The following BANP variants were observed in gnomAD, a reference collection of about 807,000 sequenced individuals.
The protein encoded by BANP is protein BANP.
BANP carries 11 observed loss-of-function variants against 68.1 expected under a neutral mutation model. That is an observed-to-expected ratio of 0.16 (90% CI 0.10 to 0.27). The LOEUF (loss-of-function observed/expected upper bound fraction) is 0.27, where lower values mean the gene tolerates loss of function less well. Among genes scored for constraint, BANP ranks in the 10% least tolerant of loss-of-function variants. BANP has a pLI of 1.00. For synonymous variants in BANP, 329 were observed against 303.2 expected (o/e 1.09, Z -0.88); for missense variants, 504 against 722.7 (o/e 0.70, Z 3.47).
intron 2 of BANP, among the ~76,000 whole-genome samples, chr16:87,976,477 T>G (rs1434203784): frequency 6.8e-6 from 1 of 148,040 alleles, no homozygotes; most frequent in Non-Finnish European, 1.5e-5. Context: ...TTAAAAAGTT[T>G]TTTTTTTTTT....
At position 88,004,740 on chromosome 16, in the gene BANP, G is replaced by A. The variant is rs1567723337; in HGVS notation, c.479+329G>A. Among the ~76,000 whole-genome samples the A allele has an allele frequency of 6.6e-6, 1 of 152,354 alleles. No individual in the cohort carries two copies. Among genetic ancestry groups the A allele is most frequent in the Middle Eastern group, 3.4e-3 (1 of 294 alleles). ...TCCCACCTAGCTCAGTGGTCCTCAC[G>A]TCTGTCTGTGCAGAGCGTGTCAGGC... On this transcript the variant is annotated intron_variant, in intron 5 of 13. Coordinates refer to ENST00000682872, the MANE Select transcript of BANP (RefSeq NM_001386991.1). The surrounding 1 kb of genome is among the most constrained non-coding windows in gnomAD (Gnocchi z 7.0).
At chr16:88,038,309 G>A (rs868453674) in intron 11 of BANP, among the ~76,000 whole-genome samples, 11 of 152,254 alleles carry the variant, frequency 7.2e-5, no homozygotes, top group South Asian at 2.1e-4. Flanking sequence ...AGGGAGCGAG[G>A]GTGCAAAGGC....
At chr16:88,040,922 A>G (rs1484908693) in intron 11 of BANP, among the ~76,000 whole-genome samples, 1 of 152,274 alleles carries the variant, frequency 6.6e-6, no homozygotes, top group African/African-American at 2.4e-5. Flanking sequence ...CCTAGTTCCA[A>G]CTGTCATTTA....
intron 1 of BANP, chr16:87,956,979 A>T (rs1454325027): frequency 1.3e-5 from 2 of 152,176 alleles, no homozygotes; most frequent in Non-Finnish European, 2.9e-5. Flanking sequence ...TCTTTGGTTA[A>T]AATGTGCAGG....
chr16:88,075,843 T>A (rs1392293977), intron 13 of BANP, among the ~76,000 whole-genome samples: 1 of 148,038 alleles, frequency 6.8e-6, no homozygotes, highest in African/African-American at 2.5e-5. Flanking sequence ...GCCTCTTGGG[T>A]TCAAGTGATT....
chr16:88,041,640 A>G (rs1362014676), intron 11 of BANP, among the ~76,000 whole-genome samples: 1 of 152,122 alleles, frequency 6.6e-6, no homozygotes, highest in Non-Finnish European at 1.5e-5. Flanking sequence ...CTGAGGTTCC[A>G]GGAGGGCTGC....
rs1309719115 is a variant in BANP, at chr16:88,071,398, G to C, written c.1378-671G>C. 4.5e-6 allele frequency: 2 copies of C among 445,120 alleles called. No individual in the cohort carries two copies. Among genetic ancestry groups the C allele is most frequent in the East Asian group, 7.0e-5 (1 of 14,278 alleles). 27.6% of individuals were successfully genotyped at this position (445,120 alleles called of 1,614,324 possible). A position where few individuals can be genotyped will look rare whatever the true frequency, so the allele number is the denominator to read the frequency against. On this transcript the variant is annotated intron_variant, in intron 12 of 13. Coordinates refer to ENST00000682872, the MANE Select transcript of BANP (RefSeq NM_001386991.1). This position sits in a 1 kb window ranked among gnomAD's most constrained non-coding sequence, Gnocchi z 6.5. ...GGCCTGGGTGCTTACAGGCGATGGG[G>C]TCACCAGAGCCCACCCAGGGGCCTC...
rs2088034881 is a variant in BANP at position 88,064,815 on chromosome 16, C to T, written c.1312-452C>T. 6.6e-6 allele frequency among the ~76,000 whole-genome samples: 1 copy of T among 152,244 alleles called. No homozygotes were observed. The highest frequency in any genetic ancestry group is 2.4e-5 in the African/African-American group (1 of 41,472). On this transcript the variant is annotated intron_variant, in intron 11 of 13. Transcript: ENST00000682872. This position sits in a 1 kb window ranked among gnomAD's most constrained non-coding sequence, Gnocchi z 4.5. The stretch of plus-strand genomic sequence containing the variant: ...GCTGGGATAGGAGACAGCCAGGACC[C>T]CTCAGCTTCTGAGGGCCGTGGCCTT...
At chr16:88,047,270 T>C (rs148812906) in intron 11 of BANP, among the ~76,000 whole-genome samples, 83 of 152,076 alleles carry the variant, frequency 5.5e-4, no homozygotes, top group Middle Eastern at 3.4e-3. Flanking sequence ...CAAAGTAAGA[T>C]ACCACCAGGG....
At chr16:87,974,841 G>A (rs1418378375) in intron 1 of BANP, among the ~76,000 whole-genome samples, 5 of 152,194 alleles carry the variant, frequency 3.3e-5, no homozygotes, top group Non-Finnish European at 7.3e-5. Flanking sequence ...AGTGGTTAAG[G>A]AAAGAGGCAG....
Position 88,076,725 on chromosome 16 carries a change from TGCTCTCACGGCCTCGGCACAGGCAGCG to T in BANP, c.*68_*94del. The T allele has an allele frequency of 7.2e-7, 1 of 1,385,830 alleles. No homozygotes were observed. Among genetic ancestry groups the T allele is most frequent in the Admixed American group, 2.2e-5 (1 of 46,502 alleles). 85.8% of individuals were successfully genotyped at this position (1,385,830 alleles called of 1,614,324 possible). ...CCTACGGCCCGGCCCCCACGCGCCC[TGCTCTCACGGCCTCGGCACAGGCAGCG>T]GCTGCACGTGTTCTGCTGAAGTGCG... On this transcript the variant is annotated 3_prime_UTR_variant, in exon 14 of 14. Transcript: ENST00000682872.
At position 88,072,239 on chromosome 16, in the gene BANP, A is replaced by C. The variant is rs1333587354; in HGVS notation, c.1521+27A>C. ...TGAGTCTGGGGCCCCGCGCCGGGAC[A>C]CTGAAGTGATGGCATGGCCGCCTGC... On this transcript the variant is annotated intron_variant, in intron 13 of 13. Coordinates refer to ENST00000682872, the MANE Select transcript of BANP (RefSeq NM_001386991.1). 6 of 1,586,868 alleles carry C rather than the reference A, an allele frequency of 3.8e-6. No individual in the cohort carries two copies. The South Asian group carries it at 5.6e-5, about 15-fold the overall frequency.
chr16:88,008,902 G>C (rs373098498), intron 6 of BANP, among the ~76,000 whole-genome samples: 5 of 152,162 alleles, frequency 3.3e-5, no homozygotes, highest in African/African-American at 1.2e-4. Flanking sequence ...CATCCCATTA[G>C]GAGGAAACAT....
At chr16:87,965,461 G>A (rs906112978) in intron 1 of BANP, among the ~76,000 whole-genome samples, 3 of 151,956 alleles carry the variant, frequency 2.0e-5, no homozygotes, top group Non-Finnish European at 4.4e-5. Flanking sequence ...GATGCTGAGG[G>A]ACCAGGGAGG....
intron 7 of BANP, among the ~76,000 whole-genome samples, chr16:88,022,545 C>G (rs887976369): frequency 2.6e-5 from 4 of 152,238 alleles, no homozygotes; most frequent in African/African-American, 9.6e-5. Flanking sequence ...GCCACTTCAC[C>G]CACACCTGTC....
intron 1 of BANP, among the ~76,000 whole-genome samples, chr16:87,958,482 C>G (rs1477326724): frequency 6.6e-6 from 1 of 152,184 alleles, no homozygotes; most frequent in African/African-American, 2.4e-5. Flanking sequence ...GGTGGTTATG[C>G]ACAGCATTTG....
intron 6 of BANP, among the ~76,000 whole-genome samples, chr16:88,009,016 G>A (rs1313705124): frequency 6.6e-6 from 1 of 152,220 alleles, no homozygotes; most frequent in South Asian, 2.1e-4. Flanking sequence ...TGGCATAGTG[G>A]CTTGGTGAAA....
intron 1 of BANP, among the ~76,000 whole-genome samples, chr16:87,974,366 G>A (rs1387671145): frequency 2.0e-5 from 3 of 152,192 alleles, no homozygotes; most frequent in African/African-American, 4.8e-5. Flanking sequence ...TGCGAGGCTC[G>A]GGGACAGCCC....
chr16:88,001,783 T>C (rs1213737862), intron 4 of BANP, among the ~76,000 whole-genome samples: 1 of 152,224 alleles, frequency 6.6e-6, no homozygotes, highest in African/African-American at 2.4e-5. Context: ...CTTTGAATTT[T>C]CGTTTCCATT....
Sources: allele counts gnomAD v4.1 joint callset (sites outside exome capture counted in the v4.1 genomes callset), GRCh38; gene constraint gnomAD v4.1.1; non-coding constraint Gnocchi (gnomAD v3.1); transcripts MANE v1.5; gene names NCBI Gene and HGNC (gene_info 2026-07-23, HGNC 2026-07-21).